PDE4D: variants seen among roughly 807,000 people sequenced by gnomAD.
The protein encoded by PDE4D is phosphodiesterase 4D.
In PDE4D, 24 loss-of-function variants were observed where a neutral mutation model predicts 87.4. The observed-to-expected ratio is 0.27, with a 90% CI of 0.20 to 0.39. The LOEUF (loss-of-function observed/expected upper bound fraction) is 0.39, where lower values mean the gene tolerates loss of function less well. Ranked by LOEUF, PDE4D falls within the 10% of genes least tolerant of loss-of-function variation. PDE4D has a pLI of 1.00. For synonymous variants in PDE4D, 384 were observed against 383.2 expected (o/e 1.00, Z -0.02); for missense variants, 714 against 1,041.0 (o/e 0.69, Z 4.32).
intron 1 of PDE4D, among the ~76,000 whole-genome samples, chr5:59,425,138 A>G (rs991533655): frequency 2.0e-5 from 3 of 152,202 alleles, no homozygotes; most frequent in Non-Finnish European, 4.4e-5. Context: ...GAATTACTGA[A>G]TGCTTTATAT....
At chr5:59,018,142 C>A (rs1407738240) in intron 6 of PDE4D, among the ~76,000 whole-genome samples, 1 of 152,208 alleles carries the variant, frequency 6.6e-6, no homozygotes, top group Non-Finnish European at 1.5e-5. Context: ...ATAAGGAAAG[C>A]AATCTAATTA....
At chr5:59,417,004 C>A (rs1436483923) in intron 1 of PDE4D, among the ~76,000 whole-genome samples, 2 of 151,782 alleles carry the variant, frequency 1.3e-5, no homozygotes, top group Non-Finnish European at 2.9e-5. Context: ...AGTATTTCAC[C>A]CAAGAGATAT....
chr5:59,241,613 G>C (rs946734219), intron 1 of PDE4D, among the ~76,000 whole-genome samples: 1 of 152,202 alleles, frequency 6.6e-6, no homozygotes, highest in Non-Finnish European at 1.5e-5. Context: ...GGTCAAGAGA[G>C]AGGGTAACTT....
At chr5:60,278,213 G>T (rs887412403) in intron 1 of PDE4D, among the ~76,000 whole-genome samples, 1 of 151,586 alleles carries the variant, frequency 6.6e-6, no homozygotes, top group Non-Finnish European at 1.5e-5. Context: ...TTATCTTTCA[G>T]CACATAAAAA....
In PDE4D at chr5:59,325,556, T is replaced by G. The variant is rs542788742; in HGVS notation, c.456-109588A>C. ...ATTCATAAGGAAATGTAAGATAATA[T>G]GGATAACCAAGATTATTGCTTGAGC... On this transcript the variant is annotated intron_variant, in intron 1 of 14. Coordinates refer to ENST00000340635, the MANE Select transcript of PDE4D (RefSeq NM_001104631.2). 2.0e-5 allele frequency among the ~76,000 whole-genome samples: 3 copies of G among 152,298 alleles called. No individual in the cohort carries two copies. In the South Asian group the frequency reaches 6.2e-4, roughly 32 times the overall value.
At chr5:60,043,979 G>A (rs1341541564) in intron 2 of PDE4D, among the ~76,000 whole-genome samples, 1 of 152,104 alleles carries the variant, frequency 6.6e-6, no homozygotes, top group Non-Finnish European at 1.5e-5. Flanking sequence ...GATTTCTGAT[G>A]TAATTCTTAT....
chr5:60,425,950 T>C (rs200011649), intron 1 of PDE4D, among the ~76,000 whole-genome samples: 1 of 152,202 alleles, frequency 6.6e-6, no homozygotes, highest in African/African-American at 2.4e-5. Flanking sequence ...TCATCACTGG[T>C]CATCAGAGAA....
chr5:59,803,158 G>C (rs969428779), intron 1 of PDE4D, among the ~76,000 whole-genome samples: 10 of 152,268 alleles, frequency 6.6e-5, no homozygotes, highest in African/African-American at 2.2e-4. Flanking sequence ...AACGTGACTT[G>C]ATGTGCAGGC....
intron 1 of PDE4D, among the ~76,000 whole-genome samples, chr5:60,218,995 T>C (rs1312222630): frequency 6.6e-6 from 1 of 152,172 alleles, no homozygotes. Context: ...ATTTTCTCTG[T>C]ATTTTCAAAT....
intron 1 of PDE4D, among the ~76,000 whole-genome samples, chr5:59,645,145 G>A (rs1488118354): frequency 6.6e-6 from 1 of 152,202 alleles, no homozygotes; most frequent in African/African-American, 2.4e-5. Context: ...AACTATTTCT[G>A]TTTAACTGTA....
intron 1 of PDE4D, among the ~76,000 whole-genome samples, chr5:60,308,958 T>C (rs768344228): frequency 3.9e-5 from 6 of 152,106 alleles, no homozygotes; most frequent in Non-Finnish European, 8.8e-5. Flanking sequence ...AATTGGCAGA[T>C]TACAACCAAG....
upstream of PDE4D, chr5:60,491,464 T>A (rs153031): frequency 6.6e-6 from 1 of 151,914 alleles, no homozygotes; most frequent in Non-Finnish European, 1.5e-5. Flanking sequence ...TGAAATCATA[T>A]TAATAATGCA....
Position 59,702,981 on chromosome 5 carries a change from G to A in PDE4D, c.455+190187C>T, listed in dbSNP as rs562083593. ...AGCTTCTTAGCAGCCAATATGCAAA[G>A]GGAACATAATCTCTTACACAGTTTG... On this transcript the variant is annotated intron_variant, in intron 1 of 14. Transcript: ENST00000340635. Among the ~76,000 whole-genome samples the A allele has an allele frequency of 1.7e-3, 257 of 151,858 alleles. 1 individual carries two copies. The highest frequency in any genetic ancestry group is 5.8e-3 in the African/African-American group (242 of 41,382).
intron 2 of PDE4D, among the ~76,000 whole-genome samples, chr5:60,013,976 C>T (rs1765266792): frequency 6.6e-6 from 1 of 151,634 alleles, no homozygotes; most frequent in South Asian, 2.1e-4. Flanking sequence ...ACCTGTAGTC[C>T]CAGCTACTCA....
At chr5:58,985,766 T>C (rs2153328373) in intron 11 of PDE4D, among the ~76,000 whole-genome samples, 1 of 152,322 alleles carries the variant, frequency 6.6e-6, no homozygotes, top group East Asian at 1.9e-4. Flanking sequence ...AAAAGTCAAA[T>C]TTTAAAAAAG....
At chr5:60,014,538 A>C (rs1034200252) in intron 2 of PDE4D, among the ~76,000 whole-genome samples, 8 of 152,044 alleles carry the variant, frequency 5.3e-5, no homozygotes, top group Non-Finnish European at 1.0e-4. Flanking sequence ...ACCTCTTAAA[A>C]CCCTTATAAG....
rs1448793801 is a variant in PDE4D, at chr5:60,096,525, C to T, written c.42+89032G>A. ...AAATTATAAAGACAACTTGTTTGCT[C>T]TCTACTGAAGTTCACGATACATTAA... On this transcript the variant is annotated intron_variant, in intron 2 of 16. Transcript: ENST00000502484. Among the ~76,000 whole-genome samples, 3 of 152,172 alleles carry T rather than the reference C, an allele frequency of 2.0e-5. No individual in the cohort carries two copies. The East Asian group carries it at 5.8e-4, about 29-fold the overall frequency.
chr5:60,273,472 G>A (rs2149728928), intron 1 of PDE4D, among the ~76,000 whole-genome samples: 1 of 152,166 alleles, frequency 6.6e-6, no homozygotes, highest in East Asian at 1.9e-4. Flanking sequence ...GCAATGGAGA[G>A]CTACTAAAGA....
At chr5:60,041,232 G>A (rs995523954) in intron 2 of PDE4D, among the ~76,000 whole-genome samples, 1 of 152,010 alleles carries the variant, frequency 6.6e-6, no homozygotes, top group Non-Finnish European at 1.5e-5. Context: ...GTCACGGCTT[G>A]GCTGATTTCT....
Sources: allele counts gnomAD v4.1 joint callset (sites outside exome capture counted in the v4.1 genomes callset), GRCh38; gene constraint gnomAD v4.1.1; transcripts MANE v1.5; gene names NCBI Gene and HGNC (gene_info 2026-07-23, HGNC 2026-07-21).